LYST: variants seen among roughly 807,000 people sequenced by gnomAD.
The protein encoded by LYST is lysosomal-trafficking regulator.
LYST carries 192 observed loss-of-function variants against 413.6 expected under a neutral mutation model. The observed-to-expected ratio is 0.46, with a 90% CI of 0.41 to 0.52. LYST has a LOEUF of 0.52. LYST is among the 20% of genes least tolerant of loss of function. The pLI, the probability that LYST is intolerant of heterozygous loss-of-function variation, is 0.00. For synonymous variants in LYST, 1,525 were observed against 1,567.3 expected (o/e 0.97, Z 0.64); for missense variants, 3,815 against 4,499.9 (o/e 0.85, Z 4.35).
chr1:235,882,012 C>T lies in LYST; in HGVS notation n.454+1175G>A, dbSNP rs184637602. ...ACTGTACATTTAAAAATGGGTAAGA[C>T]GATAAATTTTATGTTATGTATATTT... is the stretch of plus-strand genomic sequence containing the variant. On this transcript the variant is annotated intron_variant and non_coding_transcript_variant, in intron 1 of 11. Transcript: ENST00000465349. Among the ~76,000 whole-genome samples, 194 of 150,666 alleles carry T rather than the reference C, an allele frequency of 1.3e-3. 1 individual carries two copies. The highest frequency in any genetic ancestry group is 4.1e-3 in the Admixed American group (62 of 15,074).
chr1:235,673,520 C>T (rs1288047957), intron 50 of LYST, among the ~76,000 whole-genome samples: 2 of 152,064 alleles, frequency 1.3e-5, no homozygotes. Context: ...GATGATTGCA[C>T]CACCCTAAAG....
intron 45 of LYST, among the ~76,000 whole-genome samples, chr1:235,701,683 T>G (rs987108118): frequency 2.0e-5 from 3 of 152,192 alleles, no homozygotes; most frequent in Admixed American, 1.3e-4. Flanking sequence ...ATAGTGACCC[T>G]GGTAATTACA....
chr1:235,754,883 G>T (rs1237791995), intron 25 of LYST, among the ~76,000 whole-genome samples: 1 of 151,362 alleles, frequency 6.6e-6, no homozygotes, highest in African/African-American at 2.4e-5. Flanking sequence ...AGACCAGCCT[G>T]GGAAACACTG....
At chr1:235,680,997 T>A (rs1327859055) in intron 48 of LYST, among the ~76,000 whole-genome samples, 2 of 152,178 alleles carry the variant, frequency 1.3e-5, no homozygotes, top group Non-Finnish European at 2.9e-5. Context: ...CCCTACTGTG[T>A]GCCTGTCACT....
At position 235,810,423 on chromosome 1, in the gene LYST, T is replaced by C; in HGVS notation, c.395A>G (p.Gln132Arg). 1 of 1,611,852 alleles carries C rather than the reference T, an allele frequency of 6.2e-7. No individual in the cohort carries two copies. The highest frequency in any genetic ancestry group is 8.5e-7 in the Non-Finnish European group (1 of 1,179,378). Residue 132 changes from glutamine to arginine, a missense_variant, in exon 5 of 53, where the codon CAG becomes CGG. Physicochemically the swap from Gln to Arg is conservative, Grantham distance 43. Transcript: ENST00000389793. ...AAAAACATTTACTTTTGCAGAAACC[T>C]GACTAGACAGGGCACTTCCTTCTAA... ...LHLEGSALSS[Q>R]VSAKVNVFRK... is the part of the protein sequence containing the mutation.
chr1:235,752,542 A>G (rs947308166), intron 26 of LYST, among the ~76,000 whole-genome samples: 2 of 152,130 alleles, frequency 1.3e-5, no homozygotes, highest in African/African-American at 4.8e-5. Flanking sequence ...GTGGGTATGA[A>G]CAGGAACATT....
intron 1 of LYST, among the ~76,000 whole-genome samples, chr1:235,836,928 G>C (rs912889723): frequency 6.6e-6 from 1 of 152,192 alleles, no homozygotes; most frequent in African/African-American, 2.4e-5. Flanking sequence ...TGGAACTAGT[G>C]AATCAATTTG....
At position 235,731,115 on chromosome 1, in the gene LYST, G is replaced by A; in HGVS notation, c.8864C>T (p.Pro2955Leu). 3 of 1,613,570 alleles carry A rather than the reference G, an allele frequency of 1.9e-6. No homozygotes were observed. In the African/African-American group the frequency reaches 4.0e-5, roughly 22 times the overall value. Reference protein sequence around the residue: ...TSWQLDPTEGPNRERRRLQRC... With the variant: ...TSWQLDPTEGLNRERRRLQRC... Reference sequence around the variant, plus strand: ...CTGTAAACGTCTCCTCTCTCGATTTGGCCCTTCTGTTGGATCCAACTGCCA... The same window carrying A: ...CTGTAAACGTCTCCTCTCTCGATTTAGCCCTTCTGTTGGATCCAACTGCCA... The change falls in exon 35 of 53, where the codon CCA becomes CTA. Residue 2955 changes from proline (P) to leucine (L), a missense_variant. Pro to Leu is a moderately conservative substitution (Grantham distance 98). This residue lies in a region of LYST where 866 missense variants were observed against 1,156.0 expected (regional missense o/e 0.75). Transcript: ENST00000389793.
intron 2 of LYST, among the ~76,000 whole-genome samples, chr1:235,832,074 A>G (rs1676053557): frequency 6.6e-6 from 1 of 152,126 alleles, no homozygotes; most frequent in African/African-American, 2.4e-5. Context: ...AAAGCTACTA[A>G]CGTCATTCTA....
chr1:235,788,980 G>A, intron 12 of LYST, 135 bp from the exon 13 acceptor site: 1 of 777,850 alleles, frequency 1.3e-6, no homozygotes, highest in South Asian at 1.5e-5. Flanking sequence ...AGCCTGACCT[G>A]TTCTAAACAA....
At chr1:235,786,727 G>A (rs1037563877) in intron 14 of LYST, among the ~76,000 whole-genome samples, 1 of 151,900 alleles carries the variant, frequency 6.6e-6, no homozygotes, top group Non-Finnish European at 1.5e-5. Flanking sequence ...CCATAAAAAA[G>A]GATGAGTTCA....
chr1:235,755,079 T>TA, intron 25 of LYST, among the ~76,000 whole-genome samples: 1 of 47,262 alleles, frequency 2.1e-5, no homozygotes, highest in Non-Finnish European at 3.5e-5. Context: ...AGACATTGTC[T>TA]CAAAAAAAAA....
At chr1:235,756,931 A>G (rs1237799516) in intron 24 of LYST, among the ~76,000 whole-genome samples, 2 of 152,126 alleles carry the variant, frequency 1.3e-5, no homozygotes, top group Non-Finnish European at 1.5e-5. Context: ...TTTCCAATGA[A>G]CCACGTATTC....
In LYST at chr1:235,781,072, TAAA is replaced by T; in HGVS notation, c.5024-20_5024-18del. ...CCTTAGCTCCTGAATAGCAGAAAAATAAAGTTAGTTATTTAAAACACCCTAACC... is the reference window on the plus strand; with the variant it reads ...CCTTAGCTCCTGAATAGCAGAAAAATGTTAGTTATTTAAAACACCCTAACC... On this transcript the variant is annotated intron_variant, in intron 15 of 52. Coordinates refer to ENST00000389793, the MANE Select transcript of LYST (RefSeq NM_000081.4). 6.4e-7 allele frequency: 1 copy of T among 1,551,662 alleles called. No individual in the cohort carries two copies. The highest frequency in any genetic ancestry group is 8.9e-7 in the Non-Finnish European group (1 of 1,126,074).
At chr1:235,787,485 A>AT (rs1301276655) in intron 13 of LYST, 112 bp from the exon 14 acceptor site, 48 of 943,444 alleles carry the variant, frequency 5.1e-5, no homozygotes, top group Middle Eastern at 3.2e-4. Flanking sequence ...AATCAGTTCT[A>AT]TTTTTTTTAA....
At chr1:235,727,330 G>T (rs1032803017) in intron 38 of LYST, among the ~76,000 whole-genome samples, 6 of 151,670 alleles carry the variant, frequency 4.0e-5, no homozygotes, top group African/African-American at 1.5e-4. Flanking sequence ...CACCATGTTG[G>T]CCAGGCTGGT....
chr1:235,842,005 A>C (rs1282317439), intron 1 of LYST, among the ~76,000 whole-genome samples: 1 of 152,100 alleles, frequency 6.6e-6, no homozygotes, highest in Non-Finnish European at 1.5e-5. Flanking sequence ...AAAACCATGA[A>C]TTTCTGGTGG....
intron 18 of LYST, 120 bp from the exon 19 acceptor site, chr1:235,774,111 T>G: frequency 1.4e-6 from 1 of 716,114 alleles, no homozygotes; most frequent in South Asian, 1.6e-5. Flanking sequence ...TAGTAAATAA[T>G]TTAACACTTC....
intron 3 of LYST, among the ~76,000 whole-genome samples, chr1:235,820,709 G>A (rs755173955): frequency 2.7e-4 from 41 of 152,102 alleles, no homozygotes; most frequent in Non-Finnish European, 4.6e-4. Flanking sequence ...TCTGTATCTT[G>A]ACATGCTAAT....
Sources: allele counts gnomAD v4.1 joint callset (sites outside exome capture counted in the v4.1 genomes callset), GRCh38; gene constraint gnomAD v4.1.1; regional missense constraint gnomAD v4.1.1; transcripts MANE v1.5; gene names NCBI Gene and HGNC (gene_info 2026-07-23, HGNC 2026-07-21).